Variants in SOX9 observed in about 807,000 individuals in gnomAD.
SOX9 encodes SRY-box transcription factor 9.
In SOX9, 2 loss-of-function variants were observed where a neutral mutation model predicts 44.8. That is an observed-to-expected ratio of 0.04 (90% CI 0.02 to 0.14). The LOEUF (loss-of-function observed/expected upper bound fraction) is 0.14. Ranked by LOEUF, SOX9 falls within the 10% of genes least tolerant of loss-of-function variation. The pLI is 1.00. For missense variants in SOX9, 583 were observed against 728.6 expected (o/e 0.80, Z 2.30); for synonymous variants, 381 against 331.8 (o/e 1.15, Z -1.61).
At position 72,122,996 on chromosome 17, in the gene SOX9, G is replaced by A. The variant is rs149812775; in HGVS notation, c.685+24G>A. The A allele has an allele frequency of 6.9e-4, 1,104 of 1,609,640 alleles. 1 individual carries two copies. Among genetic ancestry groups the A allele is most frequent in the Non-Finnish European group, 8.5e-4 (1,007 of 1,179,702 alleles). The stretch of plus-strand genomic sequence containing the variant: ...GGGTGAGTCGCCCCTCGACCCCACC[G>A]GACAAGCTATCTCCGTCCCGCCTGG... On this transcript the variant is annotated intron_variant, in intron 2 of 2. Coordinates refer to ENST00000245479, the MANE Select transcript of SOX9 (RefSeq NM_000346.4).
chr17:72,122,831 G>A lies in SOX9; in HGVS notation c.544G>A (p.Val182Met), dbSNP rs779943975. ...GTACCAGCCGCGGCGGAGGAAGTCG[G>A]TGAAGAACGGGCAGGCGGAGGCAGA... is the stretch of plus-strand genomic sequence containing the variant. ...YKYQPRRRKS[V>M]KNGQAEAEEA... Residue 182 changes from valine to methionine, a missense_variant, in exon 2 of 3, where the codon GTG becomes ATG. Physicochemically the swap from Val to Met is conservative, Grantham distance 21 (BLOSUM62 1). Coordinates refer to ENST00000245479, the MANE Select transcript of SOX9 (RefSeq NM_000346.4). The A allele has an allele frequency of 1.2e-6, 2 of 1,614,164 alleles. No individual in the cohort carries two copies. The highest frequency in any genetic ancestry group is 1.1e-5 in the South Asian group (1 of 91,078).
In SOX9 at chr17:72,123,470, G is replaced by A. The variant is rs2143249501; in HGVS notation, c.686-73G>A. Reference sequence around the variant, plus strand: ...CTTTAGCAGCGAGGGAGGGTCCCCGGAGGGTGCCTAAGACTAGGGCGTCTG... The same window carrying A: ...CTTTAGCAGCGAGGGAGGGTCCCCGAAGGGTGCCTAAGACTAGGGCGTCTG... On this transcript the variant is annotated intron_variant, in intron 2 of 2. Coordinates refer to ENST00000245479, the MANE Select transcript of SOX9 (RefSeq NM_000346.4). The surrounding 1 kb of genome is among the most constrained non-coding windows in gnomAD (Gnocchi z 6.5). 1 of 1,604,106 alleles carries A rather than the reference G, an allele frequency of 6.2e-7. No individual in the cohort carries two copies. The highest frequency in any genetic ancestry group is 8.5e-7 in the Non-Finnish European group (1 of 1,172,496).
At position 72,124,102 on chromosome 17, in the gene SOX9, C is replaced by G; in HGVS notation, c.1245C>G (p.Pro415=). The G allele has an allele frequency of 1.2e-6, 2 of 1,613,808 alleles. No individual in the cohort carries two copies. Among genetic ancestry groups the G allele is most frequent in the Non-Finnish European group, 1.7e-6 (2 of 1,180,010 alleles). The change falls in exon 3 of 3, where the codon CCC becomes CCG. Residue 415 remains proline, a synonymous_variant. Transcript: ENST00000245479. The surrounding 1 kb of genome is among the most constrained non-coding windows in gnomAD (Gnocchi z 4.6). ...ACAGCGAGCAGCAGCAGCACTCGCC[C>G]CAACAGATCGCCTACAGCCCCTTCA... ...SHYSEQQQHS[P]QQIAYSPFNL... is the part of the protein sequence containing the mutation.
In SOX9 at chr17:72,125,041, A is replaced by C. The variant is rs1908240275; in HGVS notation, c.*654A>C. On this transcript the variant is annotated 3_prime_UTR_variant, in exon 3 of 3. Transcript: ENST00000245479. ...AATCCTGTTGTATTAACATTTAAAAACAGAATTGTGTTATGTGATCAGTTT... is the reference window on the plus strand; with the variant it reads ...AATCCTGTTGTATTAACATTTAAAACCAGAATTGTGTTATGTGATCAGTTT... The C allele has an allele frequency of 8.8e-6, 2 of 227,018 alleles. No homozygotes were observed. Among genetic ancestry groups the C allele is most frequent in the Non-Finnish European group, 1.8e-5 (2 of 113,942 alleles). The allele number at this position is 227,018 out of a possible 1,614,324, so 14.1% of individuals were successfully genotyped here.
In SOX9 at chr17:72,123,557, C is replaced by G. The variant is rs2143250127; in HGVS notation, c.700C>G (p.Pro234Ala). 6.2e-7 allele frequency: 1 copy of G among 1,614,152 alleles called. No individual in the cohort carries two copies. The highest frequency in any genetic ancestry group is 8.5e-7 in the Non-Finnish European group (1 of 1,179,994). ...ATTGTCCACAGGGCAATCCCAGGGC[C>G]CACCGACCCCACCCACCACCCCCAA... ...PGEHSGQSQGPPTPPTTPKTD... is the reference protein window; with the variant it reads ...PGEHSGQSQGAPTPPTTPKTD... Residue 234 changes from proline to alanine, a missense_variant, in exon 3 of 3, where the codon CCA becomes GCA. Physicochemically the swap from Pro to Ala is conservative, Grantham distance 27. Transcript: ENST00000245479. This position sits in a 1 kb window ranked among gnomAD's most constrained non-coding sequence, Gnocchi z 6.5.
Position 72,124,145 on chromosome 17 carries a change from C to T in SOX9, c.1288C>T (p.Pro430Ser), listed in dbSNP as rs886042200. 2.5e-6 allele frequency: 4 copies of T among 1,613,876 alleles called. No individual in the cohort carries two copies. Among genetic ancestry groups the T allele is most frequent in the South Asian group, 1.1e-5 (1 of 91,080 alleles). ...CCCCTTCAACCTCCCACACTACAGC[C>T]CCTCCTACCCGCCCATCACCCGCTC... ...YSPFNLPHYS[P>S]SYPPITRSQY... is the part of the protein sequence containing the mutation. The change falls in exon 3 of 3, where the codon CCC becomes TCC. Residue 430 changes from proline (P) to serine (S), a missense_variant. Coordinates refer to ENST00000245479, the MANE Select transcript of SOX9 (RefSeq NM_000346.4). This position sits in a 1 kb window ranked among gnomAD's most constrained non-coding sequence, Gnocchi z 4.6.
chr17:72,125,895 T>TTG lies in SOX9; in HGVS notation c.*1521_*1522dup, dbSNP rs143971728. ...CCACAGACCTTTGGGCTGCCTTATA[T>TTG]TGTGTGTGTGTGTGGGTGTGTGTGT... On this transcript the variant is annotated 3_prime_UTR_variant, in exon 3 of 3. Transcript: ENST00000245479. 1.0e-4 allele frequency: 24 copies of TTG among 230,136 alleles called. No homozygotes were observed. The highest frequency in any genetic ancestry group is 3.1e-4 in the East Asian group (5 of 16,226). 14.3% of individuals were successfully genotyped at this position (230,136 alleles called of 1,614,324 possible). A position where few individuals can be genotyped will look rare whatever the true frequency, so the allele number is the denominator to read the frequency against.
At position 72,121,886 on chromosome 17, in the gene SOX9, G is replaced by A; in HGVS notation, c.431+64G>A. ...GCGGCGGCTGGGGGCGCTGGTCAGG[G>A]CTGATTTGCCCCGCCCCGCCTCCCA... On this transcript the variant is annotated intron_variant, in intron 1 of 2. Transcript: ENST00000245479. This position sits in a 1 kb window ranked among gnomAD's most constrained non-coding sequence, Gnocchi z 8.3. 1.4e-6 allele frequency: 2 copies of A among 1,467,380 alleles called. No individual in the cohort carries two copies. The highest frequency in any genetic ancestry group is 1.8e-6 in the Non-Finnish European group (2 of 1,110,658). 90.9% of individuals were successfully genotyped at this position (1,467,380 alleles called of 1,614,324 possible).
chr17:72,123,411 CGCGCCTCTT>C lies in SOX9; in HGVS notation c.686-127_686-119del. ...ATTGGGCGACTTATCTCCGGTGCAG[CGCGCCTCTT>C]GCGCGGGTGCGGGCCCTTATTACAC... On this transcript the variant is annotated intron_variant, in intron 2 of 2. Coordinates refer to ENST00000245479, the MANE Select transcript of SOX9 (RefSeq NM_000346.4). The surrounding 1 kb of genome is among the most constrained non-coding windows in gnomAD (Gnocchi z 6.5). 3 of 1,244,322 alleles carry C rather than the reference CGCGCCTCTT, an allele frequency of 2.4e-6. No homozygotes were observed. The highest frequency in any genetic ancestry group is 3.5e-6 in the Non-Finnish European group (3 of 864,288). 77.1% of individuals were successfully genotyped at this position (1,244,322 alleles called of 1,614,324 possible). A position where few individuals can be genotyped will look rare whatever the true frequency, so the allele number is the denominator to read the frequency against.
At chr17:72,122,675 C>T in intron 1 of SOX9, 44 bp from the exon 2 acceptor site, 10 of 1,596,650 alleles carry the variant, frequency 6.3e-6, no homozygotes, top group Non-Finnish European at 8.5e-6. Flanking sequence ...TTCACTGACC[C>T]CTCTCCCTCT....
At position 72,125,932 on chromosome 17, in the gene SOX9, A is replaced by G. The variant is rs1598177837; in HGVS notation, c.*1545A>G. 5 of 232,552 alleles carry G rather than the reference A, an allele frequency of 2.2e-5. No individual in the cohort carries two copies. In the East Asian group the frequency reaches 2.4e-4, roughly 11 times the overall value. The allele number at this position is 232,552 out of a possible 1,614,324, so 14.4% of individuals were successfully genotyped here. ...GTGGGTGTGTGTGTGTTTTGACACA[A>G]AAACAATGCAAGCATGTGTCATCCA... On this transcript the variant is annotated 3_prime_UTR_variant, in exon 3 of 3. Transcript: ENST00000245479.
rs1357849733 is a variant in SOX9, at chr17:72,123,070, T to C, written c.685+98T>C. The stretch of plus-strand genomic sequence containing the variant: ...GAGATTCTTCGTGGGGACTTTATGC[T>C]TCCCGGGAGGGACACACTGCCCTTT... On this transcript the variant is annotated intron_variant, in intron 2 of 2. Transcript: ENST00000245479. This position sits in a 1 kb window ranked among gnomAD's most constrained non-coding sequence, Gnocchi z 6.5. 1.3e-6 allele frequency: 2 copies of C among 1,482,534 alleles called. No homozygotes were observed. Among genetic ancestry groups the C allele is most frequent in the African/African-American group, 2.8e-5 (2 of 72,434 alleles). 91.8% of individuals were successfully genotyped at this position (1,482,534 alleles called of 1,614,324 possible).
Position 72,125,537 on chromosome 17 carries a change from TAAAAC to T in SOX9, c.*1155_*1159del, listed in dbSNP as rs1417490203. On this transcript the variant is annotated 3_prime_UTR_variant, in exon 3 of 3. Transcript: ENST00000245479. ...TTATTTTGTAAGGAGAGGTTTTAAT[TAAAAC>T]AAAAAAAAATTCTTTTTTTTTTTTT... 2.7e-5 allele frequency: 6 copies of T among 219,770 alleles called. No homozygotes were observed. The highest frequency in any genetic ancestry group is 1.3e-4 in the East Asian group (2 of 15,488). 13.6% of individuals were successfully genotyped at this position (219,770 alleles called of 1,614,324 possible). A position where few individuals can be genotyped will look rare whatever the true frequency, so the allele number is the denominator to read the frequency against.
rs1157651014 is a variant in SOX9, at chr17:72,125,092, C to G, written c.*705C>G. ...TGGGGGTTAACTTTGCTTAATTCCTCAGGCTTTGCGATTTAAGGAGGAGCT... is the reference window on the plus strand; with the variant it reads ...TGGGGGTTAACTTTGCTTAATTCCTGAGGCTTTGCGATTTAAGGAGGAGCT... On this transcript the variant is annotated 3_prime_UTR_variant, in exon 3 of 3. Coordinates refer to ENST00000245479, the MANE Select transcript of SOX9 (RefSeq NM_000346.4). The G allele has an allele frequency of 4.4e-6, 1 of 225,694 alleles. No individual in the cohort carries two copies. The highest frequency in any genetic ancestry group is 6.4e-5 in the East Asian group (1 of 15,536). 14.0% of individuals were successfully genotyped at this position (225,694 alleles called of 1,614,324 possible).
chr17:72,123,936 C>A lies in SOX9; in HGVS notation c.1079C>A (p.Pro360Gln). The change falls in exon 3 of 3, where the codon CCG becomes CAG. Residue 360 changes from proline (P) to glutamine (Q), a missense_variant. Around this residue, in one of 7 missense-constraint regions of SOX9, gnomAD observed 349 missense variants for 387.0 expected, o/e 0.90. Coordinates refer to ENST00000245479, the MANE Select transcript of SOX9 (RefSeq NM_000346.4). The surrounding 1 kb of genome is among the most constrained non-coding windows in gnomAD (Gnocchi z 6.5). ...GCCCCGCCGGCCCCGCAGGCGCCCC[C>A]GCAGCCGCAGGCGGCGCCCCCACAG... is the stretch of plus-strand genomic sequence containing the variant. ...PQAPPAPQAP[P>Q]QPQAAPPQQP... 7.6e-7 allele frequency: 1 copy of A among 1,309,526 alleles called. No homozygotes were observed. Among genetic ancestry groups the A allele is most frequent in the Non-Finnish European group, 9.6e-7 (1 of 1,036,912 alleles). 81.1% of individuals were successfully genotyped at this position (1,309,526 alleles called of 1,614,324 possible). A position where few individuals can be genotyped will look rare whatever the true frequency, so the allele number is the denominator to read the frequency against.
Position 72,121,256 on chromosome 17 carries a change from C to T in SOX9, c.-136C>T, listed in dbSNP as rs541727124. 2.0e-5 allele frequency: 16 copies of T among 781,816 alleles called. No individual in the cohort carries two copies. In the East Asian group the frequency reaches 3.8e-4, roughly 18 times the overall value. 48.4% of individuals were successfully genotyped at this position (781,816 alleles called of 1,614,324 possible). ...CTAAGTGCTCGCCGCGGTAGCCGGC[C>T]GACGCGCCAGCTTCCCCGGGAGCCG... On this transcript the variant is annotated 5_prime_UTR_variant, in exon 1 of 3. Coordinates refer to ENST00000245479, the MANE Select transcript of SOX9 (RefSeq NM_000346.4). This position sits in a 1 kb window ranked among gnomAD's most constrained non-coding sequence, Gnocchi z 8.3.
chr17:72,123,767 C>A lies in SOX9; in HGVS notation c.910C>A (p.Pro304Thr), dbSNP rs994687929. ...CCAGTACCTGCCGCCCAACGGCCAC[C>A]CGGGGGTGCCGGCCACGCACGGCCA... ...FDQYLPPNGH[P>T]GVPATHGQVT... Residue 304 changes from proline (P) to threonine (T), a missense_variant, in exon 3 of 3, where the codon CCG becomes ACG. Physicochemically the swap from Pro to Thr is conservative, Grantham distance 38. Around this residue, in one of 7 missense-constraint regions of SOX9, gnomAD observed 349 missense variants for 387.0 expected, o/e 0.90. Transcript: ENST00000245479. The surrounding 1 kb of genome is among the most constrained non-coding windows in gnomAD (Gnocchi z 6.5). 1.2e-6 allele frequency: 2 copies of A among 1,613,226 alleles called. No individual in the cohort carries two copies. The highest frequency in any genetic ancestry group is 1.7e-6 in the Non-Finnish European group (2 of 1,179,930).
At position 72,123,080 on chromosome 17, in the gene SOX9, G is replaced by A. The variant is rs1265259620; in HGVS notation, c.685+108G>A. The stretch of plus-strand genomic sequence containing the variant: ...GTGGGGACTTTATGCTTCCCGGGAG[G>A]GACACACTGCCCTTTGCGCCCGTCC... On this transcript the variant is annotated intron_variant, in intron 2 of 2. Coordinates refer to ENST00000245479, the MANE Select transcript of SOX9 (RefSeq NM_000346.4). This position sits in a 1 kb window ranked among gnomAD's most constrained non-coding sequence, Gnocchi z 6.5. 2.1e-6 allele frequency: 3 copies of A among 1,413,364 alleles called. No individual in the cohort carries two copies. Among genetic ancestry groups the A allele is most frequent in the East Asian group, 2.4e-5 (1 of 41,570 alleles). The allele number at this position is 1,413,364 out of a possible 1,614,324, so 87.6% of individuals were successfully genotyped here.
rs766421608 is a variant in SOX9 at position 72,123,508 on chromosome 17, T to C, written c.686-35T>C. On this transcript the variant is annotated intron_variant, in intron 2 of 2. Transcript: ENST00000245479. This position sits in a 1 kb window ranked among gnomAD's most constrained non-coding sequence, Gnocchi z 6.5. ...ACTAGGGCGTCTGCACAGCCCTTGT[T>C]GATTTTCTCGTGCTTGTTCTTTTAT... is the stretch of plus-strand genomic sequence containing the variant. 1.6e-5 allele frequency: 26 copies of C among 1,613,874 alleles called. No homozygotes were observed. In the Middle Eastern group the frequency reaches 6.8e-4, roughly 42 times the overall value.
Sources: allele counts gnomAD v4.1 joint callset, GRCh38; gene constraint gnomAD v4.1.1; regional missense constraint gnomAD v4.1.1; non-coding constraint Gnocchi (gnomAD v3.1); transcripts MANE v1.5; gene names NCBI Gene and HGNC (gene_info 2026-07-23, HGNC 2026-07-21).